Variants in KIF3A observed in about 807,000 individuals in gnomAD.
KIF3A encodes kinesin family member 3A.
A neutral mutation model predicts 92.6 loss-of-function variants in KIF3A; 27 were observed. The observed-to-expected ratio is 0.29, with a 90% CI of 0.21 to 0.40. The LOEUF is 0.40. Ranked by LOEUF, KIF3A falls within the 10% of genes least tolerant of loss-of-function variation. KIF3A has a pLI of 1.00. For synonymous variants in KIF3A, 250 were observed against 275.4 expected (o/e 0.91, Z 0.92); for missense variants, 581 against 872.6 (o/e 0.67, Z 4.21).
At chr5:132,736,810 G>T in intron 1 of KIF3A, 1 of 446,014 alleles carries the variant, frequency 2.2e-6, no homozygotes, top group Non-Finnish European at 4.5e-6. Flanking sequence ...CCTAATAAGG[G>T]GTCTTAGAAG....
downstream of KIF3A, among the ~76,000 whole-genome samples, chr5:132,690,617 T>C (rs1450694806): frequency 6.6e-6 from 1 of 152,180 alleles, no homozygotes; most frequent in Non-Finnish European, 1.5e-5. Flanking sequence ...ATAATATAAT[T>C]ATGTGTCAAT....
intron 2 of KIF3A, among the ~76,000 whole-genome samples, chr5:132,728,462 G>A (rs945131435): frequency 3.3e-5 from 5 of 152,100 alleles, no homozygotes; most frequent in Admixed American, 2.0e-4. Flanking sequence ...ATGGCCAGGC[G>A]GGGTGGCTCA....
At chr5:132,710,937 C>G (rs781257733) in intron 9 of KIF3A, 22 bp downstream of exon 9, 1 of 1,613,628 alleles carries the variant, frequency 6.2e-7, no homozygotes, top group Non-Finnish European at 8.5e-7. Flanking sequence ...TTCTACAAAT[C>G]AGATTACTAA....
In KIF3A at chr5:132,711,034, T is replaced by C; in HGVS notation, c.1153A>G (p.Ile385Val). The C allele has an allele frequency of 6.2e-7, 1 of 1,610,992 alleles. No individual in the cohort carries two copies. Among genetic ancestry groups the C allele is most frequent in the Non-Finnish European group, 8.5e-7 (1 of 1,177,138 alleles). ...TCATCATCTTCCTCTGACCCACTGATATCAGAGCCTGATATTTCTTCTCCT... is the reference window on the plus strand; with the variant it reads ...TCATCATCTTCCTCTGACCCACTGACATCAGAGCCTGATATTTCTTCTCCT... ...EEGEEISGSDISGSEEDDDEE... is the reference protein window; with the variant it reads ...EEGEEISGSDVSGSEEDDDEE... Residue 385 changes from isoleucine to valine, a missense_variant, in exon 9 of 19, where the codon ATC becomes GTC. Transcript: ENST00000403231.
At position 132,737,522 on chromosome 5, in the gene KIF3A, G is replaced by T. The variant is rs934577777; in HGVS notation, c.-103C>A. 3.6e-6 allele frequency: 5 copies of T among 1,371,560 alleles called. No individual in the cohort carries two copies. The African/African-American group carries it at 7.4e-5, about 20-fold the overall frequency. The allele number at this position is 1,371,560 out of a possible 1,614,324, so 85.0% of individuals were successfully genotyped here. The stretch of plus-strand genomic sequence containing the variant: ...CCAGAGACTACCGAAACACCTCGTT[G>T]ACGCTCTCGAGACTGCGGCTTCTCG... On this transcript the variant is annotated 5_prime_UTR_variant, in exon 1 of 19. Coordinates refer to ENST00000403231, the MANE Select transcript of KIF3A (RefSeq NM_001300791.2).
intron 4 of KIF3A, among the ~76,000 whole-genome samples, chr5:132,722,730 C>T (rs73261418): frequency 8.2e-4 from 125 of 152,260 alleles, no homozygotes; most frequent in African/African-American, 2.9e-3. Flanking sequence ...AAGAATTGTG[C>T]TTTATTTCGC....
chr5:132,734,233 A>C lies in KIF3A; in HGVS notation c.252T>G (p.Ile84Met). 6.2e-7 allele frequency: 1 copy of C among 1,613,688 alleles called. No homozygotes were observed. Among genetic ancestry groups the C allele is most frequent in the Non-Finnish European group, 8.5e-7 (1 of 1,179,728 alleles). The change falls in exon 2 of 19, where the codon ATT becomes ATG. Residue 84 changes from isoleucine (I) to methionine (M), a missense_variant. This residue lies in a region of KIF3A where 217 missense variants were observed against 299.7 expected (regional missense o/e 0.72). Transcript: ENST00000403231. ...TGTAGCCTTCAAGTACAGAATCAAT[A>C]ATAGGTCTTGCAGTTAAGTTATAAA... ...LDVYNLTARP[I>M]IDSVLEGYNG... is the part of the protein sequence containing the mutation.
intron 4 of KIF3A, among the ~76,000 whole-genome samples, chr5:132,724,584 A>G (rs1411396953): frequency 6.6e-5 from 10 of 151,642 alleles, no homozygotes; most frequent in Non-Finnish European, 1.2e-4. Context: ...ATAGGTGAGA[A>G]CTGAACAATG....
At chr5:132,700,587 T>C in intron 16 of KIF3A, 60 bp downstream of exon 16, 1 of 1,182,164 alleles carries the variant, frequency 8.5e-7, no homozygotes, top group South Asian at 1.3e-5. Flanking sequence ...GCCAGCACAA[T>C]TTCTAGACCA....
chr5:132,710,573 G>A (rs185958697), intron 9 of KIF3A, among the ~76,000 whole-genome samples: 47 of 152,206 alleles, frequency 3.1e-4, no homozygotes, highest in African/African-American at 1.0e-3. Context: ...CCGAGATCGC[G>A]CCACTGCACT....
chr5:132,710,942 T>A lies in KIF3A; in HGVS notation c.1228+17A>T, dbSNP rs1420371504. 1 of 1,613,660 alleles carries A rather than the reference T, an allele frequency of 6.2e-7. No individual in the cohort carries two copies. The highest frequency in any genetic ancestry group is 1.3e-5 in the African/African-American group (1 of 74,906). The stretch of plus-strand genomic sequence containing the variant: ...ACCACCTAATTTCTACAAATCAGAT[T>A]ACTAAACAGAACTTACCCCTTCTTT... On this transcript the variant is annotated intron_variant, in intron 9 of 18. Coordinates refer to ENST00000403231, the MANE Select transcript of KIF3A (RefSeq NM_001300791.2).
chr5:132,702,869 C>T lies in KIF3A; in HGVS notation c.1647+16G>A. On this transcript the variant is annotated intron_variant, in intron 13 of 18. Coordinates refer to ENST00000403231, the MANE Select transcript of KIF3A (RefSeq NM_001300791.2). ...CTCTGGCAAAATACCAAACTAAAAA[C>T]AGAAAGTCACATTACCTCTTTTTCC... 1 of 1,608,362 alleles carries T rather than the reference C, an allele frequency of 6.2e-7. No homozygotes were observed.
Position 132,710,977 on chromosome 5 carries a change from T to C in KIF3A, c.1210A>G (p.Lys404Glu). The change falls in exon 9 of 19, where the codon AAA (lysine) becomes GAA (glutamate). Residue 404 changes from lysine to glutamate, a missense_variant. Physicochemically the swap from Lys to Glu is moderately conservative, Grantham distance 56 (BLOSUM62 1). Transcript: ENST00000403231. ...EEGEVGEDGE[K>E]RKKRRGSSSS... ...AACTTACCCCTTCTTTTTTTCCTTT[T>C]CTCTCCATCTTCTCCAACCTCACCC... 1 of 1,613,502 alleles carries C rather than the reference T, an allele frequency of 6.2e-7. No individual in the cohort carries two copies. Among genetic ancestry groups the C allele is most frequent in the Non-Finnish European group, 8.5e-7 (1 of 1,179,494 alleles).
intron 2 of KIF3A, 42 bp from the exon 3 acceptor site, chr5:132,726,540 T>C (rs1754040206): frequency 1.3e-6 from 2 of 1,556,660 alleles, no homozygotes; most frequent in African/African-American, 1.4e-5. Context: ...TAAAGTCTAA[T>C]GCTACAGAAC....
rs1396235102 is a variant in KIF3A, at chr5:132,696,400, C to T, written c.*234G>A. ...GTTCCCCCAACTTCCCTGCACAGTA[C>T]AATTGAAGAGTAGTAGTACAACAAT... On this transcript the variant is annotated 3_prime_UTR_variant, in exon 19 of 19. Coordinates refer to ENST00000403231, the MANE Select transcript of KIF3A (RefSeq NM_001300791.2). The T allele has an allele frequency of 2.2e-5, 10 of 448,590 alleles. No individual in the cohort carries two copies. Among genetic ancestry groups the T allele is most frequent in the Non-Finnish European group, 1.2e-5 (3 of 248,454 alleles). The allele number at this position is 448,590 out of a possible 1,614,324, so 27.8% of individuals were successfully genotyped here. A position where few individuals can be genotyped will look rare whatever the true frequency, so the allele number is the denominator to read the frequency against.
chr5:132,703,377 A>G lies in KIF3A; in HGVS notation c.1466+86T>C, dbSNP rs546166238. ...CTGGAGACAAAAATCCAAGCTTTTAATTACTATTCAATTTTCCTATTTTAT... is the reference window on the plus strand; with the variant it reads ...CTGGAGACAAAAATCCAAGCTTTTAGTTACTATTCAATTTTCCTATTTTAT... On this transcript the variant is annotated intron_variant, in intron 12 of 18. Transcript: ENST00000403231. The G allele has an allele frequency of 3.5e-4, 419 of 1,187,608 alleles. 3 individuals carry two copies. In the South Asian group the frequency reaches 6.1e-3, roughly 17 times the overall value. The allele number at this position is 1,187,608 out of a possible 1,614,324, so 73.6% of individuals were successfully genotyped here. A position where few individuals can be genotyped will look rare whatever the true frequency, so the allele number is the denominator to read the frequency against.
intron 12 of KIF3A, among the ~76,000 whole-genome samples, 171 bp from the exon 13 acceptor site, chr5:132,703,236 ACT>A (rs1753102492): frequency 6.6e-6 from 1 of 152,132 alleles, no homozygotes; most frequent in African/African-American, 2.4e-5. Context: ...TTAATTTATA[ACT>A]CATTCTAATT....
downstream of KIF3A, among the ~76,000 whole-genome samples, chr5:132,688,898 C>T (rs954512874): frequency 6.6e-6 from 1 of 152,076 alleles, no homozygotes; most frequent in Non-Finnish European, 1.5e-5. Context: ...TGATTAAAAA[C>T]TAAAATTTCC....
intron 17 of KIF3A, chr5:132,699,621 C>A (rs961595986): frequency 2.3e-6 from 1 of 438,292 alleles, no homozygotes; most frequent in East Asian, 6.9e-5. Flanking sequence ...TGCAGTAGCG[C>A]GATCTGGGCT....
Sources: allele counts gnomAD v4.1 joint callset (sites outside exome capture counted in the v4.1 genomes callset), GRCh38; gene constraint gnomAD v4.1.1; regional missense constraint gnomAD v4.1.1; transcripts MANE v1.5; gene names NCBI Gene and HGNC (gene_info 2026-07-23, HGNC 2026-07-21).